Variants in CD99L2 observed in about 807,000 individuals in gnomAD.
CD99L2 encodes the protein CD99 antigen-like protein 2.
A neutral mutation model predicts 27.3 loss-of-function variants in CD99L2; 24 were observed. The ratio of observed to expected loss-of-function variants is 0.88; its 90% CI spans 0.64 to 1.24. CD99L2 has a LOEUF of 1.24. Ranked by LOEUF, CD99L2 falls within the 50% of genes most tolerant of loss-of-function variation. CD99L2 has a pLI of 0.00. For missense variants in CD99L2, 255 were observed against 221.6 expected, an observed-to-expected ratio of 1.15 and a Z score of -0.96; for synonymous variants, 97 against 87.9, an observed-to-expected ratio of 1.10 and a Z score of -0.58.
chrX:150,852,072 T>A (rs73232304), intron 1 of CD99L2, among the ~76,000 whole-genome samples: 10 of 112,025 alleles, frequency 8.9e-5, no homozygotes, highest in Non-Finnish European at 1.7e-4. Flanking sequence ...ACTGCTTGGA[T>A]GAAAGAACTC....
At chrX:150,860,502 C>T (rs782083667) in intron 1 of CD99L2, among the ~76,000 whole-genome samples, 1 of 111,740 alleles carries the variant, frequency 8.9e-6, no homozygotes, top group African/African-American at 3.3e-5. Context: ...TAAAAGGCAT[C>T]TATATTGGAA....
Position 150,768,668 on chromosome X carries a change from A to G in CD99L2, c.*366T>C, listed in dbSNP as rs1354480349. 3.9e-5 allele frequency: 8 copies of G among 202,865 alleles called. No homozygotes were observed. Among genetic ancestry groups the G allele is most frequent in the Non-Finnish European group, 1.8e-5 (2 of 113,476 alleles). 16.7% of individuals were successfully genotyped at this position (202,865 alleles called of 1,213,427 possible). ...AGTGTGCAGGGGTCACAGTCCCTTG[A>G]GTTCAAACTCTTGTCCCCTAAGCAT... On this transcript the variant is annotated 3_prime_UTR_variant, in exon 11 of 11. Coordinates refer to ENST00000370377, the MANE Select transcript of CD99L2 (RefSeq NM_031462.4).
intron 4 of CD99L2, among the ~76,000 whole-genome samples, chrX:150,809,660 G>T (rs782449539): frequency 2.7e-5 from 3 of 111,515 alleles, no homozygotes; most frequent in Non-Finnish European, 5.7e-5. Flanking sequence ...ATGGACAAAA[G>T]ATCCATTCAT....
chrX:150,770,531 G>A (rs372432697), intron 9 of CD99L2, among the ~76,000 whole-genome samples, 162 bp from the exon 10 acceptor site: 63 of 112,529 alleles, frequency 5.6e-4, no homozygotes, highest in African/African-American at 1.8e-3. Flanking sequence ...ATCCTTATCC[G>A]GATGAAGACT....
chrX:150,861,141 C>CAA (rs782255590), intron 1 of CD99L2, among the ~76,000 whole-genome samples: 1,802 of 40,843 alleles, frequency 0.044, 125 homozygotes, highest in African/African-American at 0.15. Flanking sequence ...GACTCTGTCT[C>CAA]AAAAAAAAAA....
chrX:150,887,489 A>AAATAAAT (rs2047432726), intron 1 of CD99L2, among the ~76,000 whole-genome samples: 1 of 99,210 alleles, frequency 1.0e-5, no homozygotes, highest in African/African-American at 3.8e-5. Context: ...AATAAATAAA[A>AAATAAAT]TAAAAAAATA....
intron 1 of CD99L2, among the ~76,000 whole-genome samples, chrX:150,862,878 AAAAG>A (rs1163076495): frequency 3.4e-5 from 3 of 87,018 alleles, no homozygotes; most frequent in African/African-American, 9.8e-5. Context: ...GAAAGAAAGA[AAAAG>A]AAAGAAAGAA....
rs182362227 is a variant in CD99L2 at position 150,767,186 on chromosome X, G to A, written c.*1848C>T. 8.9e-6 allele frequency: 1 copy of A among 111,867 alleles called. No individual in the cohort carries two copies. The highest frequency in any genetic ancestry group is 3.3e-5 in the African/African-American group (1 of 30,766). 9.2% of individuals were successfully genotyped at this position (111,867 alleles called of 1,213,427 possible). ...CCAGAGGGTGGGGCCATCGGTTCTC[G>A]ACATACTTGGTATCAGGGAGGGACA... On this transcript the variant is annotated 3_prime_UTR_variant, in exon 11 of 11. Transcript: ENST00000370377.
In CD99L2 at chrX:150,898,199, T is replaced by C. The variant is rs190794825; in HGVS notation, c.67+323A>G. Among the ~76,000 whole-genome samples, 914 of 111,036 alleles carry C rather than the reference T, an allele frequency of 8.2e-3. 9 individuals are homozygous for C. The highest frequency in any genetic ancestry group is 0.027 in the African/African-American group (840 of 30,605). On this transcript the variant is annotated intron_variant, in intron 1 of 10. Coordinates refer to ENST00000370377, the MANE Select transcript of CD99L2 (RefSeq NM_031462.4). Reference sequence around the variant, plus strand: ...AATGACTGCTCTCTTCAAGGTTTTCTCAAAGGTAAACTCTTGGGGACAGCT... The same window carrying C: ...AATGACTGCTCTCTTCAAGGTTTTCCCAAAGGTAAACTCTTGGGGACAGCT...
Position 150,884,634 on chromosome X carries a change from GAATGCA to G in CD99L2, c.67+13882_67+13887del, listed in dbSNP as rs782617814. On this transcript the variant is annotated intron_variant, in intron 1 of 10. Coordinates refer to ENST00000370377, the MANE Select transcript of CD99L2 (RefSeq NM_031462.4). ...GGAAGTGGAGGTTGCAGTGAGCTGA[GAATGCA>G]CCACTGCACTCCAGCCTGGGCAGCA... is the stretch of plus-strand genomic sequence containing the variant. Among the ~76,000 whole-genome samples the G allele has an allele frequency of 3.3e-4, 37 of 112,158 alleles. No individual in the cohort carries two copies. The East Asian group carries it at 7.6e-3, about 23-fold the overall frequency.
At chrX:150,825,388 C>T (rs1217407913) in intron 2 of CD99L2, among the ~76,000 whole-genome samples, 1 of 112,137 alleles carries the variant, frequency 8.9e-6, no homozygotes, top group African/African-American at 3.2e-5. Flanking sequence ...GATGCCAGTA[C>T]CACACAGTCT....
At chrX:150,825,017 T>C (rs2046348622) in intron 2 of CD99L2, among the ~76,000 whole-genome samples, 1 of 112,199 alleles carries the variant, frequency 8.9e-6, no homozygotes, top group Non-Finnish European at 1.9e-5. Context: ...CCTGTAGTCA[T>C]TATGCATGCG....
intron 1 of CD99L2, among the ~76,000 whole-genome samples, chrX:150,871,119 T>C (rs1337192353): frequency 8.9e-6 from 1 of 112,712 alleles, no homozygotes; most frequent in Admixed American, 9.4e-5. Flanking sequence ...AATATTCCTT[T>C]ATCAGAAGGC....
intron 1 of CD99L2, among the ~76,000 whole-genome samples, chrX:150,839,277 TG>T (rs1557421307): frequency 8.9e-6 from 1 of 111,828 alleles, no homozygotes; most frequent in African/African-American, 3.3e-5. Context: ...GCCTTTCCAC[TG>T]TAAATCATAA....
At chrX:150,813,773 A>AT (rs1461382721) in intron 4 of CD99L2, among the ~76,000 whole-genome samples, 1 of 112,256 alleles carries the variant, frequency 8.9e-6, no homozygotes, top group Admixed American at 9.4e-5. Flanking sequence ...CTCAAAGAAG[A>AT]TTTTTTCCTT....
Position 150,770,754 on chromosome X carries a change from T to C in CD99L2, c.656-385A>G, listed in dbSNP as rs188308189. Among the ~76,000 whole-genome samples, 10 of 112,447 alleles carry C rather than the reference T, an allele frequency of 8.9e-5. No individual in the cohort carries two copies. In the East Asian group the frequency reaches 2.3e-3, roughly 25 times the overall value. ...TGCGGCCCGGGGGCCAGGGAGCCAA[T>C]CGCTATGAGTGATTGATGGATGCAG... On this transcript the variant is annotated intron_variant, in intron 9 of 10. Transcript: ENST00000370377.
At chrX:150,890,316 T>C (rs1208539772) in intron 1 of CD99L2, among the ~76,000 whole-genome samples, 1 of 105,673 alleles carries the variant, frequency 9.5e-6, no homozygotes, top group East Asian at 3.0e-4. Context: ...CCGTCTCTAC[T>C]GAAAATACAA....
chrX:150,892,529 C>T (rs1345540714), intron 1 of CD99L2, among the ~76,000 whole-genome samples: 2 of 101,654 alleles, frequency 2.0e-5, no homozygotes, highest in Non-Finnish European at 4.0e-5. Context: ...TGGCGTGAAC[C>T]CGGGAGGCGG....
At chrX:150,797,385 T>A (rs1484803734) in intron 4 of CD99L2, among the ~76,000 whole-genome samples, 3 of 112,248 alleles carry the variant, frequency 2.7e-5, no homozygotes, top group African/African-American at 9.7e-5. Context: ...CTCACATATT[T>A]GACAACTTGG....
Sources: allele counts gnomAD v4.1 joint callset (sites outside exome capture counted in the v4.1 genomes callset), GRCh38; gene constraint gnomAD v4.1.1; transcripts MANE v1.5; gene names NCBI Gene and HGNC (gene_info 2026-07-23, HGNC 2026-07-21).